Variants in MED15 observed in about 807,000 individuals in gnomAD.
The protein encoded by MED15 is mediator complex subunit 15.
In MED15, 41 loss-of-function variants were observed where a neutral mutation model predicts 118.7. The observed-to-expected ratio is 0.35, with a 90% CI of 0.27 to 0.45. The LOEUF is 0.45. Ranked by LOEUF, MED15 falls within the 20% of genes least tolerant of loss-of-function variation. The pLI, the probability that MED15 is intolerant of heterozygous loss-of-function variation, is 1.00. For synonymous variants in MED15, 436 were observed against 413.9 expected, an observed-to-expected ratio of 1.05 and a Z score of -0.65; for missense variants, 740 against 1,025.5, an observed-to-expected ratio of 0.72 and a Z score of 3.80.
intron 1 of MED15, among the ~76,000 whole-genome samples, chr22:20,526,073 C>T (rs1601477007): frequency 6.6e-6 from 1 of 152,102 alleles, no homozygotes; most frequent in East Asian, 1.9e-4. Context: ...GCATGCACCA[C>T]TATGACTGGC....
intron 7 of MED15, 68 bp from the exon 8 acceptor site, chr22:20,568,453 A>G: frequency 1.3e-6 from 2 of 1,569,778 alleles, no homozygotes; most frequent in East Asian, 2.4e-5. Context: ...CTAAGCTTCC[A>G]CAGGAAGACT....
chr22:20,558,917 G>GA (rs1420762257), intron 5 of MED15, among the ~76,000 whole-genome samples: 1 of 152,164 alleles, frequency 6.6e-6, no homozygotes, highest in African/African-American at 2.4e-5. Flanking sequence ...AAGGTGAACA[G>GA]AAAAAATAGA....
chr22:20,530,569 C>T (rs2146413111), intron 1 of MED15, among the ~76,000 whole-genome samples: 1 of 149,748 alleles, frequency 6.7e-6, no homozygotes, highest in Non-Finnish European at 1.5e-5. Flanking sequence ...GGGGGCCTGG[C>T]AGTGTGGCAG....
chr22:20,555,198 ACAC>A, intron 5 of MED15, 50 bp downstream of exon 5: 1 of 1,484,322 alleles, frequency 6.7e-7, no homozygotes, highest in Non-Finnish European at 9.1e-7. Context: ...GCAAACGACA[ACAC>A]ATTTTATTCC....
rs1459110248 is a variant in MED15 at position 20,515,998 on chromosome 22, CT to C, written c.68+8253del. ...AGCCGGTGACAGAGCAAGACTCTGT[CT>C]CAAAACAAACAAAAAAAATTAAAAA... On this transcript the variant is annotated intron_variant, in intron 1 of 17. Transcript: ENST00000263205. Among the ~76,000 whole-genome samples, 4 of 55,528 alleles carry C rather than the reference CT, an allele frequency of 7.2e-5. No individual in the cohort carries two copies. In the East Asian group the frequency reaches 2.1e-3, roughly 30 times the overall value. 36.4% of individuals were successfully genotyped at this position (55,528 alleles called of 152,430 possible).
At chr22:20,537,338 A>T (rs924535821) in intron 2 of MED15, 134 bp downstream of exon 2, 18 of 703,750 alleles carry the variant, frequency 2.6e-5, no homozygotes, top group Non-Finnish European at 3.7e-5. Context: ...TCACAGGCAC[A>T]GTTGGTTTTG....
At chr22:20,562,642 G>A (rs916983529) in intron 5 of MED15, among the ~76,000 whole-genome samples, 8 of 152,200 alleles carry the variant, frequency 5.3e-5, no homozygotes, top group South Asian at 4.1e-4. Flanking sequence ...TGAGCCTCCC[G>A]AAGTGCTGGG....
rs142584300 is a variant in MED15 at position 20,583,643 on chromosome 22, C to T, written c.1736+250C>T. 186 of 509,312 alleles carry T rather than the reference C, an allele frequency of 3.7e-4. 1 individual carries two copies. Among genetic ancestry groups the T allele is most frequent in the African/African-American group, 3.0e-3 (156 of 52,148 alleles). 31.5% of individuals were successfully genotyped at this position (509,312 alleles called of 1,614,324 possible). On this transcript the variant is annotated intron_variant, in intron 13 of 17. Transcript: ENST00000263205. ...CTCATGCTGGGCCATCACAGCCAGA[C>T]CTCATCCAGTCAGCAGCCAGGGGCC...
Position 20,570,746 on chromosome 22 carries a change from C to CTTTTTTTTTTTTTTTTTTTTTTTT in MED15, c.1152+2122_1152+2145dup, listed in dbSNP as rs61109389. ...TTTTCTTTTCTTTCTTTCTTTCTTT[C>CTTTTTTTTTTTTTTTTTTTTTTTT]TTTTTTTTTTTTTTTTTTTTTTTTT... is the stretch of plus-strand genomic sequence containing the variant. On this transcript the variant is annotated intron_variant, in intron 8 of 17. Coordinates refer to ENST00000263205, the MANE Select transcript of MED15 (RefSeq NM_001003891.3). 2.7e-4 allele frequency among the ~76,000 whole-genome samples: 17 copies of CTTTTTTTTTTTTTTTTTTTTTTTT among 62,068 alleles called. 2 individuals carry two copies. Among genetic ancestry groups the CTTTTTTTTTTTTTTTTTTTTTTTT allele is most frequent in the African/African-American group, 5.9e-4 (8 of 13,670 alleles). The allele number at this position is 62,068 out of a possible 152,430, so 40.7% of individuals were successfully genotyped here.
intron 2 of MED15, among the ~76,000 whole-genome samples, chr22:20,539,310 T>A (rs1213484461): frequency 1.3e-5 from 2 of 148,448 alleles, no homozygotes; most frequent in Admixed American, 6.7e-5. Flanking sequence ...GGTCTGGGGC[T>A]ATGTTGGCCA....
chr22:20,583,534 T>C, intron 13 of MED15, 141 bp downstream of exon 13: 3 of 967,802 alleles, frequency 3.1e-6, no homozygotes, highest in Non-Finnish European at 4.7e-6. Context: ...AAGGCTCCAC[T>C]CTGGTGTGTG....
At chr22:20,561,317 G>C (rs1007899536) in intron 5 of MED15, among the ~76,000 whole-genome samples, 6 of 152,148 alleles carry the variant, frequency 3.9e-5, no homozygotes, top group South Asian at 2.1e-4. Flanking sequence ...TCAGGAGATT[G>C]AGGCGATCCT....
intron 2 of MED15, among the ~76,000 whole-genome samples, chr22:20,540,056 C>T (rs1246978968): frequency 1.3e-5 from 2 of 151,984 alleles, no homozygotes; most frequent in African/African-American, 2.4e-5. Context: ...GACAGTCTCG[C>T]TCTGTCGGCC....
rs142862837 is a variant in MED15, at chr22:20,563,814, G to A, written c.452-636G>A. On this transcript the variant is annotated intron_variant, in intron 5 of 17. Transcript: ENST00000263205. ...TCACCCATCTGAAGTGCTCCACTCG[G>A]TAGGTTTTAGTGTAATCCACAGAGT... Among the ~76,000 whole-genome samples the A allele has an allele frequency of 2.6e-5, 4 of 152,302 alleles. No homozygotes were observed. In the East Asian group the frequency reaches 7.7e-4, roughly 29 times the overall value.
chr22:20,555,882 C>T lies in MED15; in HGVS notation c.451+734C>T, dbSNP rs754245802. On this transcript the variant is annotated intron_variant, in intron 5 of 17. Coordinates refer to ENST00000263205, the MANE Select transcript of MED15 (RefSeq NM_001003891.3). ...GACTATAGGCTCACAGCACCGCGCC[C>T]GGCTAATATTTTGTATTTTTTGTAG... is the stretch of plus-strand genomic sequence containing the variant. Among the ~76,000 whole-genome samples the T allele has an allele frequency of 7.2e-5, 11 of 152,270 alleles. 1 individual carries two copies. The highest frequency in any genetic ancestry group is 5.9e-5 in the Non-Finnish European group (4 of 68,030).
intron 1 of MED15, among the ~76,000 whole-genome samples, chr22:20,535,528 A>G (rs1222400862): frequency 1.3e-5 from 2 of 151,376 alleles, no homozygotes; most frequent in Non-Finnish European, 1.5e-5. Flanking sequence ...GAGCCCTGAC[A>G]TGTTTGCTTG....
At chr22:20,569,587 T>C (rs1440770956) in intron 8 of MED15, among the ~76,000 whole-genome samples, 1 of 152,128 alleles carries the variant, frequency 6.6e-6, no homozygotes, top group Admixed American at 6.5e-5. Flanking sequence ...TGCTCAGTAA[T>C]GTCCTTCATG....
At chr22:20,579,398 T>C (rs2056912539) in intron 9 of MED15, among the ~76,000 whole-genome samples, 1 of 152,158 alleles carries the variant, frequency 6.6e-6, no homozygotes, top group Non-Finnish European at 1.5e-5. Context: ...GAAATCTCCC[T>C]GCCTCCCATC....
At chr22:20,535,248 G>A (rs1026598232) in intron 1 of MED15, among the ~76,000 whole-genome samples, 5 of 152,122 alleles carry the variant, frequency 3.3e-5, no homozygotes, top group East Asian at 1.9e-4. Flanking sequence ...CTGAGCCATC[G>A]TGCCCAGCCC....
Sources: gnomAD v4.1 joint callset for allele counts (sites outside exome capture counted in the v4.1 genomes callset) on GRCh38, gnomAD v4.1.1 for gene constraint, MANE v1.5 for transcripts, NCBI Gene and HGNC (gene_info 2026-07-23, HGNC 2026-07-21) for gene names.